Variants in TECRL observed in about 807,000 individuals in gnomAD.
TECRL encodes trans-2,3-enoyl-CoA reductase-like.
Under a neutral mutation model 52.8 loss-of-function variants are expected in TECRL, and 63 were observed. The ratio of observed to expected loss-of-function variants is 1.19; its 90% confidence interval spans 0.97 to 1.47. The LOEUF (loss-of-function observed/expected upper bound fraction) is 1.47, where lower values mean the gene tolerates loss of function less well. Ranked by LOEUF, TECRL falls within the 40% of genes most tolerant of loss-of-function variation. The pLI is 0.00. For missense variants in TECRL, 482 were observed against 429.6 expected (o/e 1.12, Z -1.08); for synonymous variants, 164 against 141.9 (o/e 1.16, Z -1.10).
intron 2 of TECRL, among the ~76,000 whole-genome samples, chr4:64,373,659 GTTA>G (rs922852790): frequency 4.6e-5 from 7 of 151,556 alleles, no homozygotes; most frequent in Non-Finnish European, 1.0e-4. Flanking sequence ...ATAAGACTTT[GTTA>G]TTATTGTTTT....
chr4:64,325,807 C>T (rs2110038599), intron 3 of TECRL, among the ~76,000 whole-genome samples: 1 of 152,174 alleles, frequency 6.6e-6, no homozygotes, highest in African/African-American at 2.4e-5. Flanking sequence ...CTTCAAAGAA[C>T]AGATCATTGG....
chr4:64,317,535 C>T (rs1717591499), intron 4 of TECRL, among the ~76,000 whole-genome samples: 1 of 151,996 alleles, frequency 6.6e-6, no homozygotes, highest in Admixed American at 6.6e-5. Flanking sequence ...TAGTTTTAAC[C>T]TTAATCTCCT....
At chr4:64,336,596 T>C (rs1380998104) in intron 2 of TECRL, among the ~76,000 whole-genome samples, 1 of 152,238 alleles carries the variant, frequency 6.6e-6, no homozygotes, top group Non-Finnish European at 1.5e-5. Flanking sequence ...TCAATTGTGA[T>C]GTTAGGGTGT....
intron 8 of TECRL, among the ~76,000 whole-genome samples, chr4:64,295,510 T>C (rs1465977230): frequency 1.3e-5 from 2 of 151,468 alleles, no homozygotes; most frequent in Non-Finnish European, 3.0e-5. Context: ...TTTTAATTTA[T>C]AGAGCTCTCA....
At chr4:64,408,313 G>A (rs1724867820) in intron 1 of TECRL, among the ~76,000 whole-genome samples, 1 of 151,958 alleles carries the variant, frequency 6.6e-6, no homozygotes, top group East Asian at 1.9e-4. Flanking sequence ...TGTAAAACAA[G>A]ATCAAGCTCT....
At chr4:64,366,156 C>A (rs965854373) in intron 2 of TECRL, among the ~76,000 whole-genome samples, 1 of 152,010 alleles carries the variant, frequency 6.6e-6, no homozygotes, top group Non-Finnish European at 1.5e-5. Context: ...ATTCAATAAA[C>A]GGCACATGGA....
chr4:64,316,927 A>G (rs114507748), intron 4 of TECRL, among the ~76,000 whole-genome samples: 1 of 152,318 alleles, frequency 6.6e-6, no homozygotes, highest in Non-Finnish European at 1.5e-5. Flanking sequence ...AAGCAAGGAA[A>G]TTGAGAGTCT....
intron 1 of TECRL, among the ~76,000 whole-genome samples, chr4:64,387,127 G>A (rs1195159938): frequency 1.3e-5 from 2 of 152,126 alleles, no homozygotes; most frequent in African/African-American, 4.8e-5. Context: ...TGTCATCATT[G>A]TTTTGCCTTC....
chr4:64,276,946 T>C, downstream of TECRL: 1 of 973,760 alleles, frequency 1.0e-6, no homozygotes, highest in Non-Finnish European at 1.5e-6. Context: ...AGGCTAAAAA[T>C]GTGTACATGG....
intron 2 of TECRL, among the ~76,000 whole-genome samples, chr4:64,370,114 T>C (rs1299477741): frequency 6.6e-6 from 1 of 151,892 alleles, no homozygotes; most frequent in African/African-American, 2.4e-5. Context: ...AGGAATACTT[T>C]GCATAAGAGA....
chr4:64,403,885 G>C (rs928725157), intron 1 of TECRL, among the ~76,000 whole-genome samples: 3 of 147,888 alleles, frequency 2.0e-5, no homozygotes, highest in Non-Finnish European at 4.5e-5. Context: ...AAAAAAAAAA[G>C]ATACTGTCAT....
chr4:64,333,918 GGA>G (rs1313395168), intron 2 of TECRL, among the ~76,000 whole-genome samples: 1 of 141,008 alleles, frequency 7.1e-6, no homozygotes, highest in African/African-American at 2.8e-5. Context: ...CAGCTACTCG[GGA>G]GGCTGAGGCA....
At chr4:64,285,312 A>C (rs989837065) in intron 9 of TECRL, among the ~76,000 whole-genome samples, 12 of 152,106 alleles carry the variant, frequency 7.9e-5, no homozygotes, top group Admixed American at 3.9e-4. Flanking sequence ...AATAGAGTTG[A>C]CTGAGTCCAT....
chr4:64,307,938 T>G (rs1724434366), intron 6 of TECRL, among the ~76,000 whole-genome samples: 1 of 152,056 alleles, frequency 6.6e-6, no homozygotes, highest in African/African-American at 2.4e-5. Context: ...TATGGGAAGA[T>G]GGAGGAGAAA....
At chr4:64,345,463 C>T (rs1719885530) in intron 2 of TECRL, among the ~76,000 whole-genome samples, 1 of 148,298 alleles carries the variant, frequency 6.7e-6, no homozygotes, top group Non-Finnish European at 1.5e-5. Context: ...AAAAACCAAA[C>T]ACCACATGTT....
intron 11 of TECRL, among the ~76,000 whole-genome samples, 195 bp downstream of exon 11, chr4:64,280,845 AG>A (rs1476578901): frequency 4.6e-5 from 7 of 152,198 alleles, no homozygotes; most frequent in Non-Finnish European, 8.8e-5. Context: ...GCTTGGATTA[AG>A]CAACAATTAT....
At chr4:64,307,072 C>T (rs1307267264) in intron 6 of TECRL, among the ~76,000 whole-genome samples, 1 of 152,158 alleles carries the variant, frequency 6.6e-6, no homozygotes. Flanking sequence ...GACACCTATT[C>T]TTCCTCCAAG....
At chr4:64,294,927 A>G (rs901373872) in intron 8 of TECRL, among the ~76,000 whole-genome samples, 12 of 152,160 alleles carry the variant, frequency 7.9e-5, no homozygotes, top group African/African-American at 2.9e-4. Context: ...TTAATAGATA[A>G]TGCATATCCA....
At chr4:64,316,646 A>T (rs1717512203) in intron 4 of TECRL, among the ~76,000 whole-genome samples, 2 of 152,166 alleles carry the variant, frequency 1.3e-5, no homozygotes, top group South Asian at 4.1e-4. Context: ...TCAAAACCAA[A>T]TACAATCAAG....
Sources: gnomAD v4.1 joint callset for allele counts (sites outside exome capture counted in the v4.1 genomes callset) on GRCh38, gnomAD v4.1.1 for gene constraint, MANE v1.5 for transcripts, NCBI Gene and HGNC (gene_info 2026-07-23, HGNC 2026-07-21) for gene names.